TMEM120A: variants seen among roughly 807,000 people sequenced by gnomAD.
TMEM120A encodes ion channel TACAN.
A neutral mutation model predicts 54.3 loss-of-function variants in TMEM120A; 45 were observed. The ratio of observed to expected loss-of-function variants is 0.83; its 90% CI spans 0.65 to 1.06. The LOEUF is 1.06. Ranked by LOEUF, TMEM120A falls within the 50% of genes least tolerant of loss-of-function variation. The probability of loss-of-function intolerance (pLI) is 0.00; values close to 1 mark genes in which losing one functional copy is unlikely to be tolerated. For synonymous variants in TMEM120A, 204 were observed against 178.5 expected (o/e 1.14, Z -1.14); for missense variants, 424 against 441.7 (o/e 0.96, Z 0.36).
Position 75,987,697 on chromosome 7 carries a change from C to T in TMEM120A, c.784+21G>A, listed in dbSNP as rs782116739. On this transcript the variant is annotated intron_variant, in intron 9 of 11. Transcript: ENST00000493111. ...GGGAGGAAAGGGGAATGTCCAGATGCCAGGGCCACTCCCGACTCACCCACA... is the reference window on the plus strand; with the variant it reads ...GGGAGGAAAGGGGAATGTCCAGATGTCAGGGCCACTCCCGACTCACCCACA... The T allele has an allele frequency of 8.1e-6, 13 of 1,611,038 alleles. No individual in the cohort carries two copies. The Admixed American group carries it at 2.0e-4, about 25-fold the overall frequency.
At position 75,989,391 on chromosome 7, in the gene TMEM120A, T is replaced by G. The variant is rs541041693; in HGVS notation, c.318-167A>C. Among the ~76,000 whole-genome samples the G allele has an allele frequency of 2.4e-3, 360 of 148,384 alleles. 1 individual carries two copies. Among genetic ancestry groups the G allele is most frequent in the Non-Finnish European group, 4.4e-3 (293 of 67,250 alleles). On this transcript the variant is annotated intron_variant, in intron 3 of 11. Transcript: ENST00000493111. Reference sequence around the variant, plus strand: ...CTGACCTTGGAGGCTGCAGACCCACTCCCTGCCATGCCCAGCCTTCCTGGC... The same window carrying G: ...CTGACCTTGGAGGCTGCAGACCCACGCCCTGCCATGCCCAGCCTTCCTGGC...
Position 75,987,556 on chromosome 7 carries a change from A to C in TMEM120A, c.831T>G (p.Pro277=). 1 of 1,598,932 alleles carries C rather than the reference A, an allele frequency of 6.3e-7. No homozygotes were observed. Among genetic ancestry groups the C allele is most frequent in the South Asian group, 1.1e-5 (1 of 89,238 alleles). ...WMWRGLTFLL[P]FLFFGHFWQL... is the part of the protein sequence containing the mutation. The stretch of plus-strand genomic sequence containing the variant: ...GACTTACGTGTCCAAAGAAAAGAAA[A>C]GGCAGCAGGAAGGTGAGGCCCCGCC... The change falls in exon 10 of 12, where the codon CCT becomes CCG. Residue 277 remains proline (P), a synonymous_variant. Coordinates refer to ENST00000493111, the MANE Select transcript of TMEM120A (RefSeq NM_031925.3).
chr7:75,987,480 C>G (rs181553536), intron 10 of TMEM120A, 52 bp from the exon 11 acceptor site: 5 of 1,544,408 alleles, frequency 3.2e-6, no homozygotes, highest in Non-Finnish European at 4.3e-6. Flanking sequence ...TGCTGGAGCC[C>G]GAAACCGGCG....
intron 3 of TMEM120A, among the ~76,000 whole-genome samples, chr7:75,989,497 C>T (rs1285977781): frequency 6.0e-5 from 2 of 33,450 alleles, no homozygotes; most frequent in Non-Finnish European, 8.5e-5. Context: ...TCCCCCACCT[C>T]AGGGCACCAA....
At position 75,992,454 on chromosome 7, in the gene TMEM120A, G is replaced by C. The variant is rs782200874; in HGVS notation, c.185C>G (p.Ala62Gly). 2.1e-5 allele frequency: 33 copies of C among 1,593,832 alleles called. No individual in the cohort carries two copies. Among genetic ancestry groups the C allele is most frequent in the Non-Finnish European group, 2.6e-5 (30 of 1,170,758 alleles). Residue 62 changes from alanine (A) to glycine (G), a missense_variant, in exon 2 of 12, where the codon GCC becomes GGC. By Grantham distance (60) the Ala-to-Gly change is moderately conservative. Coordinates refer to ENST00000493111, the MANE Select transcript of TMEM120A (RefSeq NM_031925.3). ...TRQKKRLQEL[A>G]LALKKCKPSL... ...GGATCCTAACTTCTTCAGGGCGAGGGCCAGCTCCTGGAGCCGCTTCTTCTG... is the reference window on the plus strand; with the variant it reads ...GGATCCTAACTTCTTCAGGGCGAGGCCCAGCTCCTGGAGCCGCTTCTTCTG...
chr7:75,988,211 C>T (rs782006582), intron 6 of TMEM120A, 41 bp downstream of exon 6: 7 of 1,611,708 alleles, frequency 4.3e-6, no homozygotes, highest in South Asian at 1.1e-5. Context: ...GTCCTGGCAC[C>T]CCATTCCATG....
intron 5 of TMEM120A, 38 bp downstream of exon 5, chr7:75,988,383 G>C: frequency 6.2e-7 from 1 of 1,610,698 alleles, no homozygotes; most frequent in Non-Finnish European, 8.5e-7. Flanking sequence ...GCAGCGACTG[G>C]GGATGGGGTG....
In TMEM120A at chr7:75,986,832, T is replaced by TA; in HGVS notation, c.*339_*340insT. The stretch of plus-strand genomic sequence containing the variant: ...ATAATTTTAAATAACCTCTGGCCCT[T>TA]GGAATAAAGTTCTGTTTTCTGTATT... On this transcript the variant is annotated 3_prime_UTR_variant, in exon 12 of 12. Transcript: ENST00000493111. The TA allele has an allele frequency of 1.8e-6, 1 of 570,264 alleles. No homozygotes were observed. The highest frequency in any genetic ancestry group is 3.1e-6 in the Non-Finnish European group (1 of 324,236). The allele number at this position is 570,264 out of a possible 1,614,324, so 35.3% of individuals were successfully genotyped here.
At position 75,987,410 on chromosome 7, in the gene TMEM120A, C is replaced by G. The variant is rs782496983; in HGVS notation, c.868G>C (p.Ala290Pro). The G allele has an allele frequency of 6.4e-7, 1 of 1,563,474 alleles. No homozygotes were observed. The highest frequency in any genetic ancestry group is 2.4e-5 in the East Asian group (1 of 41,952). The change falls in exon 11 of 12, where the codon GCG (alanine) becomes CCG (proline). Residue 290 changes from alanine to proline, a missense_variant. Coordinates refer to ENST00000493111, the MANE Select transcript of TMEM120A (RefSeq NM_031925.3). ...TGGGCCAGGTTGAACAACGTCAGCG[C>G]GTTAAAAAGCTGCCAGAACTAAGCA... ...FFGHFWQLFN[A>P]LTLFNLAQDP...
Position 75,987,777 on chromosome 7 carries a change from C to G in TMEM120A, c.725G>C (p.Ser242Thr). Reference protein sequence around the residue: ...FVQFLQYYYQSGCLYRLRALG... With the variant: ...FVQFLQYYYQTGCLYRLRALG... ...CGCCCGCAGGCGGTAGAGGCAGCCG[C>G]TCTGGTAGTAGTACTGGAGAAACTG... is the stretch of plus-strand genomic sequence containing the variant. Residue 242 changes from serine (S) to threonine (T), a missense_variant, in exon 9 of 12, where the codon AGC becomes ACC. Physicochemically the swap from Ser to Thr is moderately conservative, Grantham distance 58. Transcript: ENST00000493111. The G allele has an allele frequency of 1.2e-6, 2 of 1,612,296 alleles. No individual in the cohort carries two copies. The highest frequency in any genetic ancestry group is 1.7e-6 in the Non-Finnish European group (2 of 1,179,774).
intron 8 of TMEM120A, 30 bp downstream of exon 8, chr7:75,987,893 G>T: frequency 6.3e-7 from 1 of 1,599,532 alleles, no homozygotes. Context: ...GGTGCCTCCA[G>T]GGCTCAGCAC....
Position 75,992,663 on chromosome 7 carries a change from C to T in TMEM120A, c.82-106G>A, listed in dbSNP as rs74444409. The T allele has an allele frequency of 0.014, 10,180 of 749,454 alleles. 477 individuals carry two copies. The East Asian group carries it at 0.14, about 10-fold the overall frequency. The allele number at this position is 749,454 out of a possible 1,614,324, so 46.4% of individuals were successfully genotyped here. On this transcript the variant is annotated intron_variant, in intron 1 of 11. Transcript: ENST00000493111. ...TCCCCCAGGGCTGCTGGGAGGGTTT[C>T]GCTCAGCGGGAAAGGAGGTAGAACT...
chr7:75,994,432 G>A, intron 1 of TMEM120A, 58 bp downstream of exon 1: 1 of 1,490,620 alleles, frequency 6.7e-7, no homozygotes, highest in Non-Finnish European at 9.1e-7. Context: ...CCCGACCCTT[G>A]ACCCTGAGCC....
chr7:75,994,164 CTGACCCAAGGCTGGGCCCGCCCGTGTG>C (rs1167835202), intron 1 of TMEM120A, among the ~76,000 whole-genome samples: 1 of 152,220 alleles, frequency 6.6e-6, no homozygotes, highest in Non-Finnish European at 1.5e-5. Flanking sequence ...TGCTGAGTGG[CTGACCCAAGGCTGGGCCCGCCCGTGTG>C]TGACTCAGGC....
chr7:75,993,855 C>A (rs542555054), intron 1 of TMEM120A, among the ~76,000 whole-genome samples: 1 of 152,268 alleles, frequency 6.6e-6, no homozygotes, highest in Non-Finnish European at 1.5e-5. Context: ...CCCTGGGGAG[C>A]TCAGTCCAGA....
In TMEM120A at chr7:75,987,202, G is replaced by A. The variant is rs566501375; in HGVS notation, c.1002C>T (p.His334=). The A allele has an allele frequency of 2.1e-5, 33 of 1,607,498 alleles. No homozygotes were observed. Among genetic ancestry groups the A allele is most frequent in the Non-Finnish European group, 2.6e-5 (31 of 1,177,624 alleles). ...CCTTCTTGCTCCCGTGCCGCTGACT[G>A]TGAAACTTGTGGTGCACAACCCTCA... The part of the protein sequence containing the change: ...TTLRVVHHKF[H]SQRHGSKKD Residue 334 remains histidine (H), a synonymous_variant, in exon 12 of 12, where the codon CAC becomes CAT. Coordinates refer to ENST00000493111, the MANE Select transcript of TMEM120A (RefSeq NM_031925.3).
Position 75,987,210 on chromosome 7 carries a change from T to C in TMEM120A, c.994A>G (p.Lys332Glu), listed in dbSNP as rs782255323. Reference sequence around the variant, plus strand: ...CTCCCGTGCCGCTGACTGTGAAACTTGTGGTGCACAACCCTCAGGGTGGTG... The same window carrying C: ...CTCCCGTGCCGCTGACTGTGAAACTCGTGGTGCACAACCCTCAGGGTGGTG... ...FFTTLRVVHHKFHSQRHGSKK... is the reference protein window; with the variant it reads ...FFTTLRVVHHEFHSQRHGSKK... Residue 332 changes from lysine to glutamate, a missense_variant, in exon 12 of 12, where the codon AAG becomes GAG. Lys to Glu is a moderately conservative substitution (Grantham distance 56). Transcript: ENST00000493111. 1 of 1,608,534 alleles carries C rather than the reference T, an allele frequency of 6.2e-7. No homozygotes were observed. Among genetic ancestry groups the C allele is most frequent in the South Asian group, 1.1e-5 (1 of 90,048 alleles).
intron 4 of TMEM120A, 39 bp downstream of exon 4, chr7:75,989,126 A>AGGG: frequency 3.8e-6 from 1 of 264,668 alleles, no homozygotes; most frequent in Admixed American, 6.2e-5. Context: ...CTAGGGGTGG[A>AGGG]GGGGTGGAGG....
Position 75,987,162 on chromosome 7 carries a change from A to AG in TMEM120A, c.*9dup, listed in dbSNP as rs782215458. The AG allele has an allele frequency of 6.3e-7, 1 of 1,586,144 alleles. No individual in the cohort carries two copies. ...GAAGCCCCTCTGGGCCGGCAGGGGA[A>AG]GGCCCAGCCTCAATCCTTCTTGCTC... On this transcript the variant is annotated 3_prime_UTR_variant, in exon 12 of 12. Transcript: ENST00000493111.
Sources: allele counts gnomAD v4.1 joint callset (sites outside exome capture counted in the v4.1 genomes callset), GRCh38; gene constraint gnomAD v4.1.1; transcripts MANE v1.5; gene names NCBI Gene and HGNC (gene_info 2026-07-23, HGNC 2026-07-21).